UBR4: variants seen among roughly 807,000 people sequenced by gnomAD.
UBR4 encodes ubiquitin protein ligase E3 component n-recognin 4, also known as E3 ubiquitin-protein ligase UBR4.
A neutral mutation model predicts 575.6 loss-of-function variants in UBR4; 124 were observed. That is an observed-to-expected ratio of 0.22 (90% confidence interval 0.19 to 0.25). The LOEUF is 0.25. Ranked by LOEUF, UBR4 falls within the 10% of genes least tolerant of loss-of-function variation. The pLI is 1.00. For synonymous variants in UBR4, 2,455 were observed against 2,473.7 expected, an observed-to-expected ratio of 0.99 and a Z score of 0.22; for missense variants, 4,818 against 6,478.8, an observed-to-expected ratio of 0.74 and a Z score of 8.80.
intron 17 of UBR4, among the ~76,000 whole-genome samples, chr1:19,180,297 T>C (rs2090775765): frequency 6.6e-6 from 1 of 152,170 alleles, no homozygotes; most frequent in East Asian, 1.9e-4. Flanking sequence ...CAAGCAATTC[T>C]TGTGCCTCAG....
intron 2 of UBR4, 102 bp from the exon 3 acceptor site, chr1:19,199,856 G>C (rs568784828): frequency 1.8e-6 from 2 of 1,111,768 alleles, no homozygotes; most frequent in Non-Finnish European, 2.6e-6. Context: ...TCCCAATATC[G>C]TAACAATTAT....
chr1:19,189,431 G>C (rs2091862102), intron 11 of UBR4, among the ~76,000 whole-genome samples: 1 of 152,174 alleles, frequency 6.6e-6, no homozygotes, highest in African/African-American at 2.4e-5. Flanking sequence ...TTAGCAATAG[G>C]GGAATTAGGC....
intron 100 of UBR4, among the ~76,000 whole-genome samples, chr1:19,086,477 T>C (rs2077029087): frequency 6.6e-6 from 1 of 152,212 alleles, no homozygotes; most frequent in African/African-American, 2.4e-5. Context: ...GCAGGGCTGT[T>C]CTCACTAGCC....
intron 17 of UBR4, among the ~76,000 whole-genome samples, chr1:19,181,248 C>T (rs747665966): frequency 6.6e-6 from 1 of 151,790 alleles, no homozygotes; most frequent in Non-Finnish European, 1.5e-5. Flanking sequence ...GAAAGAAGGA[C>T]GGACCAGCCG....
At chr1:19,201,694 GA>G (rs2092752385) in intron 2 of UBR4, 23 bp downstream of exon 2, 1 of 1,592,966 alleles carries the variant, frequency 6.3e-7, no homozygotes, top group Non-Finnish European at 8.6e-7. Context: ...CCTCAGAAGG[GA>G]AGGACAAGAG....
At chr1:19,151,532 A>G in intron 48 of UBR4, 111 bp downstream of exon 48, 4 of 1,203,674 alleles carry the variant, frequency 3.3e-6, no homozygotes, top group Non-Finnish European at 3.7e-6. Context: ...GAAAGGACAG[A>G]AAAATCAGCA....
chr1:19,199,800 G>A (rs2092656702), intron 2 of UBR4, 46 bp from the exon 3 acceptor site: 1 of 1,546,022 alleles, frequency 6.5e-7, no homozygotes. Flanking sequence ...GCTCAGCGTT[G>A]GTCAATAAAT....
chr1:19,110,024 G>T lies in UBR4; in HGVS notation c.12105+72C>A. Reference sequence around the variant, plus strand: ...GCAAAGCGGAGACCATGAGGAGGCAGGGCACACTGCCAGGGAATGAGGAGG... The same window carrying T: ...GCAAAGCGGAGACCATGAGGAGGCATGGCACACTGCCAGGGAATGAGGAGG... On this transcript the variant is annotated intron_variant, in intron 81 of 105. Coordinates refer to ENST00000375254, the MANE Select transcript of UBR4 (RefSeq NM_020765.3). The surrounding 1 kb of genome is among the most constrained non-coding windows in gnomAD (Gnocchi z 4.5). 6.2e-7 allele frequency: 1 copy of T among 1,601,932 alleles called. No individual in the cohort carries two copies. Among genetic ancestry groups the T allele is most frequent in the Non-Finnish European group, 8.5e-7 (1 of 1,174,022 alleles).
At position 19,129,972 on chromosome 1, in the gene UBR4, A is replaced by G. The variant is rs187118758; in HGVS notation, c.8907-898T>C. On this transcript the variant is annotated intron_variant, in intron 60 of 105. Transcript: ENST00000375254. ...TTAATGTGTGATTGGCATGTGTTAC[A>G]TATCTTAGCAGGTATCCAGAATATT... 1.2e-4 allele frequency among the ~76,000 whole-genome samples: 18 copies of G among 152,326 alleles called. No homozygotes were observed. In the East Asian group the frequency reaches 3.5e-3, roughly 29 times the overall value.
chr1:19,201,657 G>A (rs1239155906), intron 2 of UBR4, 61 bp downstream of exon 2: 9 of 1,441,292 alleles, frequency 6.2e-6, no homozygotes, highest in East Asian at 2.3e-5. Context: ...ACTAACGAGA[G>A]GATAAACAAT....
chr1:19,125,405 C>A (rs2081613021), intron 64 of UBR4, among the ~76,000 whole-genome samples: 1 of 152,180 alleles, frequency 6.6e-6, no homozygotes. Flanking sequence ...ACAGGGTGCT[C>A]CGGGAACCCA....
At chr1:19,151,921 CCTT>C (rs2085775456) in intron 47 of UBR4, 62 bp from the exon 48 acceptor site, 7 of 1,394,088 alleles carry the variant, frequency 5.0e-6, no homozygotes, top group South Asian at 1.4e-5. Flanking sequence ...AACTAGGACT[CCTT>C]CTTCTCTGAC....
At position 19,152,444 on chromosome 1, in the gene UBR4, T is replaced by C; in HGVS notation, c.6865A>G (p.Ile2289Val). The C allele has an allele frequency of 6.2e-7, 1 of 1,613,874 alleles. No homozygotes were observed. The highest frequency in any genetic ancestry group is 8.5e-7 in the Non-Finnish European group (1 of 1,179,836). ...TGCTGGTTGTGTTCAAAAAAGTCAATGGGGAAAGTCACCTGGCTAGACGTG... is the reference window on the plus strand; with the variant it reads ...TGCTGGTTGTGTTCAAAAAAGTCAACGGGGAAAGTCACCTGGCTAGACGTG... ...TRTSSQVTFP[I>V]DFFEHNQQLT... Residue 2289 changes from isoleucine (I) to valine (V), a missense_variant, in exon 47 of 106, where the codon ATT becomes GTT. Physicochemically the swap from Ile to Val is conservative, Grantham distance 29 (BLOSUM62 3). This residue lies in a region of UBR4 where 461 missense variants were observed against 606.9 expected (regional missense o/e 0.76). Transcript: ENST00000375254. The surrounding 1 kb of genome is among the most constrained non-coding windows in gnomAD (Gnocchi z 4.4).
intron 33 of UBR4, among the ~76,000 whole-genome samples, 163 bp from the exon 34 acceptor site, chr1:19,163,990 T>G (rs910435247): frequency 6.6e-6 from 1 of 152,168 alleles, no homozygotes; most frequent in African/African-American, 2.4e-5. Flanking sequence ...TAGCTTGGGG[T>G]GCTCTGGCCT....
At chr1:19,177,057 C>T (rs567471549) in intron 19 of UBR4, among the ~76,000 whole-genome samples, 11 of 152,206 alleles carry the variant, frequency 7.2e-5, no homozygotes, top group Non-Finnish European at 1.0e-4. Context: ...TAAGTCTGAA[C>T]GGATCCTCCT....
chr1:19,131,801 C>T (rs180920578), intron 60 of UBR4, among the ~76,000 whole-genome samples: 15 of 152,104 alleles, frequency 9.9e-5, no homozygotes, highest in Middle Eastern at 3.4e-3. Context: ...TGAACCCGGG[C>T]GGCAGAGGTT....
intron 81 of UBR4, among the ~76,000 whole-genome samples, chr1:19,107,714 G>T (rs905061407): frequency 2.0e-5 from 3 of 151,788 alleles, no homozygotes; most frequent in Non-Finnish European, 4.4e-5. Flanking sequence ...GCACCCAGGA[G>T]GCAGGGTTTG....
In UBR4 at chr1:19,093,043, A is replaced by G. The variant is rs1263626273; in HGVS notation, c.14112-125T>C. On this transcript the variant is annotated intron_variant, in intron 96 of 105. Coordinates refer to ENST00000375254, the MANE Select transcript of UBR4 (RefSeq NM_020765.3). The surrounding 1 kb of genome is among the most constrained non-coding windows in gnomAD (Gnocchi z 4.8). ...AACCGTGACCCTCTCCGAGTGTCAT[A>G]AAGAATCACATAGAACCACCCAGCT... 1.3e-5 allele frequency: 12 copies of G among 934,880 alleles called. No individual in the cohort carries two copies. Among genetic ancestry groups the G allele is most frequent in the Non-Finnish European group, 1.8e-5 (11 of 615,286 alleles). The allele number at this position is 934,880 out of a possible 1,614,324, so 57.9% of individuals were successfully genotyped here.
chr1:19,167,156 A>C lies in UBR4; in HGVS notation c.3975T>G (p.Ser1325Arg). 1 of 1,614,108 alleles carries C rather than the reference A, an allele frequency of 6.2e-7. No individual in the cohort carries two copies. Among genetic ancestry groups the C allele is most frequent in the African/African-American group, 1.3e-5 (1 of 75,000 alleles). Residue 1325 changes from serine to arginine, a missense_variant, in exon 29 of 106, where the codon AGT becomes AGG. Coordinates refer to ENST00000375254, the MANE Select transcript of UBR4 (RefSeq NM_020765.3). ...LPLLLESSTE[S>R]VAEISSNSLE... ...GGGAGTTGCTACTGATCTCGGCAAC[A>C]CTCTCAGTGCTTGATTCCAAAAGAA...
Sources: allele counts gnomAD v4.1 joint callset (sites outside exome capture counted in the v4.1 genomes callset), GRCh38; gene constraint gnomAD v4.1.1; regional missense constraint gnomAD v4.1.1; non-coding constraint Gnocchi (gnomAD v3.1); transcripts MANE v1.5; gene names NCBI Gene and HGNC (gene_info 2026-07-23, HGNC 2026-07-21).